Variants in BTD observed in about 807,000 individuals in gnomAD.
BTD encodes biocytinase.
A neutral mutation model predicts 17.7 loss-of-function variants in BTD; 13 were observed. The ratio of observed to expected loss-of-function variants is 0.74; its 90% CI spans 0.48 to 1.17. BTD has a LOEUF of 1.17. Ranked by LOEUF, BTD falls within the 50% of genes most tolerant of loss-of-function variation. The probability of loss-of-function intolerance (pLI) is 0.00; values close to 1 mark genes in which losing one functional copy is unlikely to be tolerated. For missense variants in BTD, 674 were observed against 650.4 expected (o/e 1.04, Z -0.39); for synonymous variants, 240 against 245.2 (o/e 0.98, Z 0.20).
At chr3:15,606,030 G>T (rs547507925) in intron 1 of BTD, among the ~76,000 whole-genome samples, 6 of 66,010 alleles carry the variant, frequency 9.1e-5, no homozygotes, top group African/African-American at 3.2e-4. Flanking sequence ...GTGACAGAGC[G>T]AGACCCTGTC....
downstream of BTD, among the ~76,000 whole-genome samples, chr3:15,715,204 C>T (rs745824950): frequency 9.9e-5 from 15 of 152,216 alleles, no homozygotes; most frequent in East Asian, 1.9e-4. Flanking sequence ...AAAACAATCC[C>T]TGATTTAGGT....
intron 3 of BTD, chr3:15,685,091 T>C (rs1241343356): frequency 2.5e-6 from 2 of 793,834 alleles, no homozygotes; most frequent in Non-Finnish European, 4.1e-6. Context: ...TAAGTATTAT[T>C]AGTACGTGAG....
At chr3:15,676,006 G>C in intron 3 of BTD, 1 of 1,604,940 alleles carries the variant, frequency 6.2e-7, no homozygotes, top group Non-Finnish European at 8.5e-7. Context: ...GAAAAAACAT[G>C]ATACATGTAC....
At chr3:15,683,265 C>A (rs1240051615) in intron 3 of BTD, among the ~76,000 whole-genome samples, 1 of 152,170 alleles carries the variant, frequency 6.6e-6, no homozygotes, top group Non-Finnish European at 1.5e-5. Context: ...TACAGAAACA[C>A]AACTCACAAT....
At chr3:15,720,806 T>A in intron 4 of BTD, 1 of 962,196 alleles carries the variant, frequency 1.0e-6, no homozygotes, top group South Asian at 1.7e-5. Flanking sequence ...GATTTATCCA[T>A]GTTCTTGAGT....
intron 4 of BTD, among the ~76,000 whole-genome samples, chr3:15,721,459 A>C (rs2073718845): frequency 6.6e-6 from 1 of 152,234 alleles, no homozygotes; most frequent in African/African-American, 2.4e-5. Context: ...AGGATTTACT[A>C]TAGAATTAAT....
intron 1 of BTD, among the ~76,000 whole-genome samples, chr3:15,619,103 G>A (rs1273715648): frequency 1.3e-5 from 2 of 152,156 alleles, no homozygotes; most frequent in Non-Finnish European, 1.5e-5. Flanking sequence ...GTGGTGAGAA[G>A]GGACATCATT....
chr3:15,658,879 G>A (rs892930899), intron 3 of BTD, among the ~76,000 whole-genome samples: 6 of 152,102 alleles, frequency 3.9e-5, no homozygotes, highest in African/African-American at 1.2e-4. Context: ...TGACAGAGTC[G>A]ATGAAAACTC....
chr3:15,720,730 C>T (rs1215150806), intron 4 of BTD, among the ~76,000 whole-genome samples: 4 of 152,018 alleles, frequency 2.6e-5, no homozygotes, highest in Non-Finnish European at 5.9e-5. Flanking sequence ...GGTTCTAGAA[C>T]CTTACATAAA....
chr3:15,695,147 G>C lies in BTD; in HGVS notation c.400-14913G>C, dbSNP rs367981781. On this transcript the variant is annotated intron_variant, in intron 3 of 3. Transcript: ENST00000672141. The stretch of plus-strand genomic sequence containing the variant: ...TAAACATAACTGGTAGGAGGGAACT[G>C]ACCAATACTAATTGGTGGGAGGGAA... 16 of 1,487,990 alleles carry C rather than the reference G, an allele frequency of 1.1e-5. No individual in the cohort carries two copies. In the African/African-American group the frequency reaches 1.9e-4, roughly 18 times the overall value. 92.2% of individuals were successfully genotyped at this position (1,487,990 alleles called of 1,614,324 possible). A position where few individuals can be genotyped will look rare whatever the true frequency, so the allele number is the denominator to read the frequency against.
Position 15,644,962 on chromosome 3 carries a change from C to G in BTD, c.1046C>G (p.Pro349Arg), listed in dbSNP as rs397514400. Residue 349 changes from proline (P) to arginine (R), a missense_variant, in exon 4 of 4, where the codon CCG becomes CGG. Pro to Arg is a moderately radical substitution (Grantham distance 103). Transcript: ENST00000643237. The part of the protein sequence containing the change: ...SKFLKILSGD[P>R]YCEKDAQEVH... ...TTTTTAAAAATTTTGTCAGGCGATC[C>G]GTACTGTGAGAAGGATGCTCAGGAA... 2 of 1,614,042 alleles carry G rather than the reference C, an allele frequency of 1.2e-6. No homozygotes were observed. The highest frequency in any genetic ancestry group is 1.7e-6 in the Non-Finnish European group (2 of 1,180,022).
At chr3:15,690,237 A>G (rs977933534) in intron 3 of BTD, 5 of 1,540,184 alleles carry the variant, frequency 3.2e-6, no homozygotes, top group Non-Finnish European at 4.4e-6. Flanking sequence ...ATAAATAAAA[A>G]TGTAAATTTA....
In BTD at chr3:15,645,105, G is replaced by T. The variant is rs397514409; in HGVS notation, c.1189G>T (p.Val397Phe). 2 of 1,614,038 alleles carry T rather than the reference G, an allele frequency of 1.2e-6. No homozygotes were observed. The highest frequency in any genetic ancestry group is 1.7e-6 in the Non-Finnish European group (2 of 1,179,942). The change falls in exon 4 of 4, where the codon GTC becomes TTC. Residue 397 changes from valine to phenylalanine, a missense_variant. Transcript: ENST00000643237. ...CTGGGGAAAGGAAGGCTATCTCCAC[G>T]TCTGTTCCAATGGCCTCTGCTGTTA... Reference protein sequence around the residue: ...PVWGKEGYLHVCSNGLCCYLL... With the variant: ...PVWGKEGYLHFCSNGLCCYLL...
At chr3:15,602,048 G>T (rs185118243) in intron 1 of BTD, 154 bp downstream of exon 1, 26 of 1,475,106 alleles carry the variant, frequency 1.8e-5, no homozygotes, top group South Asian at 1.5e-4. Flanking sequence ...GGCTGTTTGT[G>T]CGTTGCTGCT....
intron 3 of BTD, among the ~76,000 whole-genome samples, chr3:15,677,270 A>G (rs2067038387): frequency 6.6e-6 from 1 of 152,190 alleles, no homozygotes; most frequent in Admixed American, 6.5e-5. Context: ...GAGGATAATT[A>G]TGCTTAGACT....
chr3:15,682,476 G>A (rs1026886411), intron 3 of BTD, among the ~76,000 whole-genome samples: 2 of 152,092 alleles, frequency 1.3e-5, no homozygotes, highest in South Asian at 4.1e-4. Flanking sequence ...ATGGTAAACT[G>A]GGTCCTCCTG....
chr3:15,714,328 A>G (rs577713244), downstream of BTD, among the ~76,000 whole-genome samples: 1 of 152,130 alleles, frequency 6.6e-6, no homozygotes, highest in African/African-American at 2.4e-5. Flanking sequence ...TATTGAAAAA[A>G]GCTAATACTA....
At chr3:15,709,615 A>G in intron 3 of BTD, 2 of 1,271,664 alleles carry the variant, frequency 1.6e-6, no homozygotes, top group Non-Finnish European at 2.2e-6. Context: ...TAGAAGGTCA[A>G]TCAAGTTATT....
At chr3:15,680,855 TG>T (rs1393797524) in intron 3 of BTD, among the ~76,000 whole-genome samples, 1 of 152,054 alleles carries the variant, frequency 6.6e-6, no homozygotes, top group Non-Finnish European at 1.5e-5. Context: ...TTTGTAGAGA[TG>T]AAGTTTTGCC....
Sources: gnomAD v4.1 joint callset for allele counts (sites outside exome capture counted in the v4.1 genomes callset) on GRCh38, gnomAD v4.1.1 for gene constraint, MANE v1.5 for transcripts, NCBI Gene and HGNC (gene_info 2026-07-23, HGNC 2026-07-21) for gene names.